WDR41: variants seen among roughly 807,000 people sequenced by gnomAD.
WDR41 encodes WD repeat domain 41.
Under a neutral mutation model 69.3 loss-of-function variants are expected in WDR41, and 63 were observed. That is an observed-to-expected ratio of 0.91 (90% CI 0.74 to 1.12). The LOEUF (loss-of-function observed/expected upper bound fraction) is 1.12, where lower values mean the gene tolerates loss of function less well. Among genes scored for constraint, WDR41 ranks in the 50% most tolerant of loss-of-function variants. WDR41 has a pLI of 0.00. For missense variants in WDR41, 543 were observed against 534.5 expected (o/e 1.02, Z -0.16); for synonymous variants, 185 against 192.1 (o/e 0.96, Z 0.31).
At chr5:77,434,637 G>A (rs915721301) in intron 12 of WDR41, among the ~76,000 whole-genome samples, 9 of 151,542 alleles carry the variant, frequency 5.9e-5, no homozygotes, top group South Asian at 2.1e-4. Context: ...CCTGGGAGGC[G>A]GAGAGTACAG....
chr5:77,488,624 G>T (rs1801625796), intron 2 of WDR41, among the ~76,000 whole-genome samples: 1 of 152,112 alleles, frequency 6.6e-6, no homozygotes, highest in South Asian at 2.1e-4. Flanking sequence ...ACAGAAATGA[G>T]GTTGGGGGAT....
intron 1 of WDR41, among the ~76,000 whole-genome samples, chr5:77,584,246 A>C (rs886858190): frequency 6.6e-6 from 1 of 152,172 alleles, no homozygotes; most frequent in African/African-American, 2.4e-5. Flanking sequence ...CAGGGCAATT[A>C]AGGAAGAAAA....
chr5:77,468,804 T>C (rs960437135), intron 2 of WDR41, among the ~76,000 whole-genome samples: 1 of 152,196 alleles, frequency 6.6e-6, no homozygotes, highest in Admixed American at 6.5e-5. Context: ...ATGATAAAAC[T>C]AAAATACTAT....
At chr5:77,475,265 T>G (rs902995456) in intron 2 of WDR41, among the ~76,000 whole-genome samples, 1 of 152,188 alleles carries the variant, frequency 6.6e-6, no homozygotes, top group African/African-American at 2.4e-5. Context: ...TGCCCAGACT[T>G]GCTTAGGTAA....
At chr5:77,477,886 G>A (rs1396938884) in intron 2 of WDR41, among the ~76,000 whole-genome samples, 1 of 143,330 alleles carries the variant, frequency 7.0e-6, no homozygotes, top group Non-Finnish European at 1.5e-5. Context: ...GAATCCAGGA[G>A]CTGGTTTTTT....
chr5:77,619,665 G>T (rs1744740505), intron 1 of WDR41, among the ~76,000 whole-genome samples: 1 of 152,186 alleles, frequency 6.6e-6, no homozygotes, highest in Non-Finnish European at 1.5e-5. Context: ...AAAACTCAGG[G>T]CAGGATATTA....
chr5:77,503,852 G>T (rs1365531702), intron 1 of WDR41, among the ~76,000 whole-genome samples: 4 of 152,110 alleles, frequency 2.6e-5, no homozygotes, highest in African/African-American at 9.7e-5. Flanking sequence ...CAACATACCG[G>T]ACTCTCTGGG....
chr5:77,436,410 T>C lies in WDR41; in HGVS notation c.1094-16A>G, dbSNP rs780923760. ...TTAAAAAAACCTAGAAAAAGAATCA[T>C]TTCCAAAATTACTGTGCTCTGTACT... On this transcript the variant is annotated splice_polypyrimidine_tract_variant and intron_variant, in intron 11 of 12. Coordinates refer to ENST00000296679, the MANE Select transcript of WDR41 (RefSeq NM_018268.4). 3.7e-6 allele frequency: 6 copies of C among 1,613,218 alleles called. No homozygotes were observed. In the Admixed American group the frequency reaches 6.7e-5, roughly 18 times the overall value.
intron 11 of WDR41, among the ~76,000 whole-genome samples, chr5:77,436,842 G>A (rs765707858): frequency 6.6e-6 from 1 of 152,162 alleles, no homozygotes; most frequent in Non-Finnish European, 1.5e-5. Context: ...TTGTGCAAAG[G>A]TTGGTAACTA....
intron 4 of WDR41, among the ~76,000 whole-genome samples, chr5:77,461,230 A>C (rs1248719052): frequency 6.6e-6 from 1 of 152,220 alleles, no homozygotes. Context: ...ACTCTGACCT[A>C]ACCATCTGAG....
At chr5:77,473,330 C>A (rs984951405) in intron 2 of WDR41, among the ~76,000 whole-genome samples, 5 of 152,136 alleles carry the variant, frequency 3.3e-5, no homozygotes, top group Non-Finnish European at 5.9e-5. Context: ...AGACCTAAAA[C>A]CATAAAAACC....
intron 5 of WDR41, among the ~76,000 whole-genome samples, chr5:77,457,898 T>C (rs1799897073): frequency 1.3e-5 from 2 of 152,094 alleles, no homozygotes; most frequent in African/African-American, 4.8e-5. Context: ...AAAACCCCTT[T>C]TAAAACTACT....
At chr5:77,612,099 T>C (rs1744566054) in intron 1 of WDR41, among the ~76,000 whole-genome samples, 3 of 152,054 alleles carry the variant, frequency 2.0e-5, no homozygotes, top group Admixed American at 6.6e-5. Context: ...CAGGAAGAAG[T>C]TGAATCTCTG....
At chr5:77,617,921 G>A (rs1031068536) in intron 1 of WDR41, among the ~76,000 whole-genome samples, 104 of 152,198 alleles carry the variant, frequency 6.8e-4, no homozygotes, top group African/African-American at 2.4e-3. Flanking sequence ...GGATATGGAG[G>A]CTGAAAGAAT....
At chr5:77,547,751 C>G (rs1743225032) in intron 1 of WDR41, among the ~76,000 whole-genome samples, 1 of 152,040 alleles carries the variant, frequency 6.6e-6, no homozygotes. Context: ...CAAAATACCA[C>G]TATTATTCCT....
intron 2 of WDR41, among the ~76,000 whole-genome samples, chr5:77,489,198 T>C (rs1223928651): frequency 6.6e-6 from 1 of 152,140 alleles, no homozygotes; most frequent in African/African-American, 2.4e-5. Context: ...TTTAAACTAT[T>C]AAGAATATTT....
intron 1 of WDR41, among the ~76,000 whole-genome samples, chr5:77,530,572 T>C (rs537257315): frequency 1.3e-5 from 2 of 151,840 alleles, no homozygotes; most frequent in East Asian, 3.9e-4. Flanking sequence ...AACTAATCTA[T>C]AGTGGAAAAA....
intron 1 of WDR41, among the ~76,000 whole-genome samples, chr5:77,593,871 AT>A (rs1304450623): frequency 5.3e-5 from 8 of 152,188 alleles, no homozygotes; most frequent in Non-Finnish European, 1.2e-4. Flanking sequence ...CAAACAGACA[AT>A]TAGAGCTAAC....
chr5:77,455,520 C>T (rs1156910045), intron 5 of WDR41, among the ~76,000 whole-genome samples: 1 of 152,158 alleles, frequency 6.6e-6, no homozygotes, highest in Non-Finnish European at 1.5e-5. Flanking sequence ...ATATTTAAGA[C>T]ACCTAGCCCA....
Sources: allele counts gnomAD v4.1 joint callset (sites outside exome capture counted in the v4.1 genomes callset), GRCh38; gene constraint gnomAD v4.1.1; transcripts MANE v1.5; gene names NCBI Gene and HGNC (gene_info 2026-07-23, HGNC 2026-07-21).